PRUNE2: variants seen among roughly 807,000 people sequenced by gnomAD.
The protein encoded by PRUNE2 is protein prune homolog 2.
PRUNE2 carries 164 observed loss-of-function variants against 252.0 expected under a neutral mutation model. The observed-to-expected ratio is 0.65, with a 90% CI of 0.57 to 0.74. The LOEUF is 0.74. Among genes scored for constraint, PRUNE2 ranks in the 30% least tolerant of loss-of-function variants. PRUNE2 has a pLI of 0.00. For synonymous variants in PRUNE2, 1,292 were observed against 1,350.2 expected (o/e 0.96, Z 0.94); for missense variants, 3,495 against 3,711.0 (o/e 0.94, Z 1.51).
chr9:76,861,786 ATT>A (rs141659920), intron 1 of PRUNE2, among the ~76,000 whole-genome samples: 3,239 of 137,068 alleles, frequency 0.024, 113 homozygotes, highest in African/African-American at 0.081. Flanking sequence ...TATTTACAGC[ATT>A]TTTTTTTTTT....
At chr9:76,885,122 A>G (rs1287150506) in intron 1 of PRUNE2, among the ~76,000 whole-genome samples, 1 of 151,660 alleles carries the variant, frequency 6.6e-6, no homozygotes, top group Non-Finnish European at 1.5e-5. Context: ...AACCATGCAG[A>G]ATAAAGGGGG....
intron 2 of PRUNE2, among the ~76,000 whole-genome samples, chr9:76,852,385 T>C (rs768760650): frequency 1.3e-5 from 2 of 152,258 alleles, no homozygotes; most frequent in Non-Finnish European, 2.9e-5. Context: ...GGGCCTCTCC[T>C]GGCAGGACCT....
chr9:76,660,797 A>G (rs1229040110), intron 9 of PRUNE2, among the ~76,000 whole-genome samples: 1 of 148,730 alleles, frequency 6.7e-6, no homozygotes, highest in African/African-American at 2.5e-5. Flanking sequence ...AAAAAAAAAA[A>G]AAAAGAAAGA....
At chr9:76,768,916 T>G (rs1040446142) in intron 6 of PRUNE2, among the ~76,000 whole-genome samples, 68 of 152,292 alleles carry the variant, frequency 4.5e-4, no homozygotes, top group African/African-American at 1.5e-3. Flanking sequence ...TATAAAAAAT[T>G]TAAATTACAG....
intron 6 of PRUNE2, among the ~76,000 whole-genome samples, chr9:76,747,331 G>A (rs1326565691): frequency 6.6e-6 from 1 of 152,174 alleles, no homozygotes; most frequent in African/African-American, 2.4e-5. Context: ...TTTAAAACCA[G>A]AGTTTTAACT....
At chr9:76,820,993 G>T (rs764822519) in intron 6 of PRUNE2, among the ~76,000 whole-genome samples, 21 of 152,162 alleles carry the variant, frequency 1.4e-4, no homozygotes, top group Non-Finnish European at 2.9e-4. Context: ...TGAAGAGAGA[G>T]AGAAGTCAGA....
At chr9:76,715,549 G>A (rs73650285) in intron 6 of PRUNE2, among the ~76,000 whole-genome samples, 2,323 of 152,272 alleles carry the variant, frequency 0.015, 53 homozygotes, top group African/African-American at 0.053. Context: ...GAACATCAAG[G>A]ATCTATTGTA....
intron 10 of PRUNE2, among the ~76,000 whole-genome samples, 187 bp from the exon 11 acceptor site, chr9:76,652,870 A>G (rs1246067771): frequency 6.6e-6 from 1 of 152,212 alleles, no homozygotes. Flanking sequence ...GCCAGTAAGT[A>G]TAATCCAAAT....
chr9:76,705,639 G>T lies in PRUNE2; in HGVS notation c.6635C>A (p.Pro2212Gln), dbSNP rs528120038. The T allele has an allele frequency of 6.2e-7, 1 of 1,613,958 alleles. No individual in the cohort carries two copies. Among genetic ancestry groups the T allele is most frequent in the Non-Finnish European group, 8.5e-7 (1 of 1,179,872 alleles). The change falls in exon 8 of 19, where the codon CCA (proline) becomes CAA (glutamine). Residue 2212 changes from proline to glutamine, a missense_variant. Transcript: ENST00000376718. Reference protein sequence around the residue: ...GLQVSEKGASPDMAPILEPVD... With the variant: ...GLQVSEKGASQDMAPILEPVD... ...TGGTTCCAAAATTGGTGCCATATCT[G>T]GGCTGGCTCCTTTTTCTGATACTTG...
In PRUNE2 at chr9:76,705,926, C is replaced by T; in HGVS notation, c.6348G>A (p.Glu2116=). The T allele has an allele frequency of 6.2e-7, 1 of 1,613,990 alleles. No individual in the cohort carries two copies. The highest frequency in any genetic ancestry group is 8.5e-7 in the Non-Finnish European group (1 of 1,179,906). Residue 2116 remains glutamate (E), a synonymous_variant, in exon 8 of 19, where the codon GAG becomes GAA. Coordinates refer to ENST00000376718, the MANE Select transcript of PRUNE2 (RefSeq NM_015225.3). ...TGCAAGCACTGAGGTGCTTCTCAGT[C>T]TCTTGCTTTGCTTCAGAATCGTGAC... The part of the protein sequence containing the change: ...DICHDSEAKQ[E]TEKHLSACMG...
chr9:76,631,045 G>A (rs937171108), intron 15 of PRUNE2, among the ~76,000 whole-genome samples: 7 of 152,042 alleles, frequency 4.6e-5, no homozygotes, highest in African/African-American at 1.4e-4. Context: ...TACTTTACTT[G>A]CAATTTTGGC....
chr9:76,724,863 T>G (rs2047973159), intron 6 of PRUNE2, among the ~76,000 whole-genome samples: 1 of 152,200 alleles, frequency 6.6e-6, no homozygotes, highest in Non-Finnish European at 1.5e-5. Context: ...GGGCCCCTTT[T>G]TGTTTCTGTA....
chr9:76,744,747 C>T (rs748921695), intron 6 of PRUNE2, among the ~76,000 whole-genome samples: 10 of 152,182 alleles, frequency 6.6e-5, no homozygotes, highest in Non-Finnish European at 1.3e-4. Context: ...AAAGAAGCCC[C>T]GGCCCTTAAG....
At chr9:76,852,258 G>C (rs1424892227) in intron 2 of PRUNE2, among the ~76,000 whole-genome samples, 2 of 152,220 alleles carry the variant, frequency 1.3e-5, no homozygotes, top group African/African-American at 2.4e-5. Context: ...TGCATAATAA[G>C]TGTTAACAAC....
At chr9:76,740,029 G>A (rs1035086928) in intron 6 of PRUNE2, 1 of 151,526 alleles carries the variant, frequency 6.6e-6, no homozygotes, top group African/African-American at 2.4e-5. Context: ...AGGTTGCAGC[G>A]AGCTGACCTG....
At chr9:76,827,255 G>A (rs1036252665) in intron 4 of PRUNE2, among the ~76,000 whole-genome samples, 7 of 152,112 alleles carry the variant, frequency 4.6e-5, no homozygotes, top group African/African-American at 1.4e-4. Flanking sequence ...CTAACCTGAC[G>A]TCCATTTCTG....
At chr9:76,838,753 C>T (rs1192548126) in intron 4 of PRUNE2, among the ~76,000 whole-genome samples, 3 of 151,218 alleles carry the variant, frequency 2.0e-5, no homozygotes, top group African/African-American at 7.3e-5. Context: ...GAAGAGTATA[C>T]CACAAAAATG....
intron 6 of PRUNE2, among the ~76,000 whole-genome samples, chr9:76,806,508 CTTTTT>C (rs536359235): frequency 1.5e-5 from 2 of 131,164 alleles, no homozygotes; most frequent in Admixed American, 7.7e-5. Flanking sequence ...AGGCACCATT[CTTTTT>C]TTTTTTTTTT....
intron 6 of PRUNE2, among the ~76,000 whole-genome samples, chr9:76,782,147 G>A (rs1467778349): frequency 6.6e-6 from 1 of 152,082 alleles, no homozygotes; most frequent in African/African-American, 2.4e-5. Context: ...CCGGGAGGTG[G>A]AGCTTGCAGT....
Sources: allele counts gnomAD v4.1 joint callset (sites outside exome capture counted in the v4.1 genomes callset), GRCh38; gene constraint gnomAD v4.1.1; transcripts MANE v1.5; gene names NCBI Gene and HGNC (gene_info 2026-07-23, HGNC 2026-07-21).